Variants in APBA1 observed in about 807,000 individuals in gnomAD.
APBA1 encodes the protein amyloid-beta A4 precursor protein-binding family A member 1.
Under a neutral mutation model 86.6 loss-of-function variants are expected in APBA1, and 55 were observed. That is an observed-to-expected ratio of 0.64 (90% confidence interval 0.51 to 0.80). The LOEUF (loss-of-function observed/expected upper bound fraction) is 0.80. Ranked by LOEUF, APBA1 falls within the 30% of genes least tolerant of loss-of-function variation. The pLI is 0.00. For missense variants in APBA1, 1,090 were observed against 1,183.0 expected (o/e 0.92, Z 1.15); for synonymous variants, 511 against 493.9 (o/e 1.03, Z -0.46).
chr9:69,499,733 A>C (rs376082942), intron 2 of APBA1, among the ~76,000 whole-genome samples: 2 of 151,824 alleles, frequency 1.3e-5, no homozygotes, highest in Non-Finnish European at 2.9e-5. Context: ...ACATCAAGGC[A>C]ATCAAGGCCC....
At chr9:69,600,833 T>TAAAA (rs974514881) in intron 1 of APBA1, among the ~76,000 whole-genome samples, 1 of 146,650 alleles carries the variant, frequency 6.8e-6, no homozygotes, top group Non-Finnish European at 1.5e-5. Flanking sequence ...AATAAATAAA[T>TAAAA]AAAATAAAAT....
chr9:69,493,688 A>G (rs1274004480), intron 2 of APBA1, among the ~76,000 whole-genome samples: 1 of 152,160 alleles, frequency 6.6e-6, no homozygotes, highest in Non-Finnish European at 1.5e-5. Flanking sequence ...AATATATAGT[A>G]GGAGTTCAAT....
At chr9:69,553,994 A>G (rs568512287) in intron 1 of APBA1, among the ~76,000 whole-genome samples, 75 of 152,160 alleles carry the variant, frequency 4.9e-4, no homozygotes, top group African/African-American at 1.8e-3. Context: ...CCATCTCAGC[A>G]GGGCATGCAA....
intron 1 of APBA1, among the ~76,000 whole-genome samples, chr9:69,668,189 A>G (rs1045907517): frequency 3.3e-5 from 5 of 152,032 alleles, no homozygotes; most frequent in Admixed American, 6.5e-5. Flanking sequence ...TGACCTACAA[A>G]TCTCCTGGTA....
At chr9:69,651,741 G>A (rs931512931) in intron 1 of APBA1, among the ~76,000 whole-genome samples, 9 of 152,206 alleles carry the variant, frequency 5.9e-5, no homozygotes, top group South Asian at 2.1e-4. Context: ...CTCCCAGAGC[G>A]CTGAGATTAC....
intron 5 of APBA1, chr9:69,465,491 G>A (rs913110400): frequency 1.8e-4 from 27 of 152,374 alleles, no homozygotes; most frequent in Admixed American, 8.5e-4. Flanking sequence ...GTGGGTTGTT[G>A]TTTTGAATGC....
chr9:69,602,553 G>A (rs147463720), intron 1 of APBA1, among the ~76,000 whole-genome samples: 13,366 of 151,632 alleles, frequency 0.088, 934 homozygotes, highest in African/African-American at 0.19. Flanking sequence ...CCTGGGTGAC[G>A]GAGAGAGACT....
intron 4 of APBA1, among the ~76,000 whole-genome samples, chr9:69,468,253 T>C (rs1256199675): frequency 6.6e-6 from 1 of 152,248 alleles, no homozygotes; most frequent in African/African-American, 2.4e-5. Context: ...AAGGATACTG[T>C]TTCTCCTGTT....
At chr9:69,466,456 C>G (rs1470634685) in intron 5 of APBA1, among the ~76,000 whole-genome samples, 1 of 152,218 alleles carries the variant, frequency 6.6e-6, no homozygotes, top group Non-Finnish European at 1.5e-5. Flanking sequence ...ACTTACTGTT[C>G]CTTTCTACCT....
chr9:69,579,212 T>G (rs1821865581), intron 1 of APBA1, among the ~76,000 whole-genome samples: 1 of 152,252 alleles, frequency 6.6e-6, no homozygotes, highest in Admixed American at 6.5e-5. Context: ...CTCTACATAC[T>G]GCAGCCCCAC....
intron 2 of APBA1, among the ~76,000 whole-genome samples, chr9:69,503,260 C>T (rs936232032): frequency 6.6e-6 from 1 of 152,026 alleles, no homozygotes; most frequent in Admixed American, 6.5e-5. Context: ...CAAAGAAATA[C>T]ATGAATATAA....
intron 1 of APBA1, among the ~76,000 whole-genome samples, chr9:69,658,336 T>C (rs1202621167): frequency 1.4e-5 from 2 of 141,938 alleles, no homozygotes; most frequent in Non-Finnish European, 3.1e-5. Context: ...CTTTCTTTCT[T>C]TCTTTCTTTC....
chr9:69,656,828 A>T (rs1823621054), intron 1 of APBA1, among the ~76,000 whole-genome samples: 1 of 148,094 alleles, frequency 6.8e-6, no homozygotes, highest in Non-Finnish European at 1.5e-5. Context: ...ACTTAAGAAT[A>T]ACCGGGAGAT....
chr9:69,578,428 C>T (rs542383533), intron 1 of APBA1, among the ~76,000 whole-genome samples: 39 of 152,174 alleles, frequency 2.6e-4, no homozygotes, highest in Non-Finnish European at 5.3e-4. Context: ...GCAGAACATC[C>T]TCTGCTGGGG....
intron 1 of APBA1, among the ~76,000 whole-genome samples, chr9:69,621,211 A>G (rs1822811436): frequency 6.6e-6 from 1 of 152,234 alleles, no homozygotes; most frequent in Non-Finnish European, 1.5e-5. Flanking sequence ...CTGCCTGGCC[A>G]TCTAGTCATC....
At chr9:69,584,246 T>C (rs957646465) in intron 1 of APBA1, among the ~76,000 whole-genome samples, 2 of 152,234 alleles carry the variant, frequency 1.3e-5, no homozygotes, top group African/African-American at 4.8e-5. Context: ...TAAAAGTATA[T>C]TTATCATACT....
intron 10 of APBA1, among the ~76,000 whole-genome samples, chr9:69,442,655 G>T (rs1564030477): frequency 6.6e-6 from 1 of 152,314 alleles, no homozygotes; most frequent in African/African-American, 2.4e-5. Context: ...GTGGAAAGAG[G>T]ACCTGTAAAG....
chr9:69,498,695 T>C (rs1158412502), intron 2 of APBA1, among the ~76,000 whole-genome samples: 2 of 152,108 alleles, frequency 1.3e-5, no homozygotes, highest in African/African-American at 4.8e-5. Flanking sequence ...ACAACGTTTA[T>C]TGAATGAGTG....
chr9:69,645,640 G>A (rs1823376053), intron 1 of APBA1, among the ~76,000 whole-genome samples: 1 of 152,208 alleles, frequency 6.6e-6, no homozygotes, highest in African/African-American at 2.4e-5. Flanking sequence ...CATTATGAAA[G>A]GGAGGGGGGA....
Sources: allele counts gnomAD v4.1 joint callset (sites outside exome capture counted in the v4.1 genomes callset), GRCh38; gene constraint gnomAD v4.1.1; transcripts MANE v1.5; gene names NCBI Gene and HGNC (gene_info 2026-07-23, HGNC 2026-07-21).